The following NXPE1 variants were observed in gnomAD, a reference collection of about 807,000 sequenced individuals.
The protein encoded by NXPE1 is neurexophilin and PC-esterase domain family member 1, also known as NXPE family member 1.
Under a neutral mutation model 33.3 loss-of-function variants are expected in NXPE1, and 31 were observed. The ratio of observed to expected loss-of-function variants is 0.93; its 90% CI spans 0.70 to 1.26. The LOEUF (loss-of-function observed/expected upper bound fraction) is 1.26, where lower values mean the gene tolerates loss of function less well. Among genes scored for constraint, NXPE1 ranks in the 50% most tolerant of loss-of-function variants. The pLI is 0.00. For synonymous variants in NXPE1, 229 were observed against 231.4 expected (o/e 0.99, Z 0.09); for missense variants, 661 against 655.6 (o/e 1.01, Z -0.09).
intron 5 of NXPE1, among the ~76,000 whole-genome samples, chr11:114,540,101 G>T (rs968427831): frequency 6.6e-6 from 1 of 152,150 alleles, no homozygotes; most frequent in Non-Finnish European, 1.5e-5. Flanking sequence ...GATTACAGAC[G>T]CCTGCCATCA....
intron 5 of NXPE1, among the ~76,000 whole-genome samples, chr11:114,550,618 A>C (rs1235883854): frequency 6.6e-6 from 1 of 152,188 alleles, no homozygotes; most frequent in Non-Finnish European, 1.5e-5. Flanking sequence ...TACAAGTAAA[A>C]AAATAAGAAA....
chr11:114,533,924 T>A (rs907908967), intron 5 of NXPE1, among the ~76,000 whole-genome samples: 2 of 152,180 alleles, frequency 1.3e-5, no homozygotes, highest in African/African-American at 4.8e-5. Flanking sequence ...GTCTGACAGC[T>A]TTGAAGAGAG....
Position 114,545,884 on chromosome 11 carries a change from T to G in NXPE1, c.99+5219A>C, listed in dbSNP as rs557502550. 7.2e-5 allele frequency among the ~76,000 whole-genome samples: 11 copies of G among 152,140 alleles called. 1 individual carries two copies. Among genetic ancestry groups the G allele is most frequent in the Admixed American group, 7.2e-4 (11 of 15,272 alleles). ...TTGTATTTTTTTAATAGAGATGGAATGTCACCATGTTGGCCAGGATGGTCT... is the reference window on the plus strand; with the variant it reads ...TTGTATTTTTTTAATAGAGATGGAAGGTCACCATGTTGGCCAGGATGGTCT... On this transcript the variant is annotated intron_variant, in intron 5 of 8. Coordinates refer to ENST00000534921, the Ensembl canonical transcript of NXPE1.
intron 5 of NXPE1, among the ~76,000 whole-genome samples, chr11:114,550,530 G>A (rs75904447): frequency 6.6e-6 from 1 of 152,104 alleles, no homozygotes; most frequent in Non-Finnish European, 1.5e-5. Flanking sequence ...TATGGAAAAA[G>A]TTAAATGAGA....
intron 5 of NXPE1, among the ~76,000 whole-genome samples, chr11:114,547,421 T>A (rs1948319929): frequency 1.3e-5 from 2 of 152,126 alleles, no homozygotes; most frequent in Admixed American, 1.3e-4. Flanking sequence ...ACAAGGAAAG[T>A]CTAAAGAGAA....
chr11:114,544,973 T>G (rs1228468862), intron 5 of NXPE1, among the ~76,000 whole-genome samples: 1 of 152,106 alleles, frequency 6.6e-6, no homozygotes, highest in Non-Finnish European at 1.5e-5. Context: ...GACACTCAAT[T>G]TTATTCGTCA....
At chr11:114,519,240 G>A (rs78043708), downstream of NXPE1, among the ~76,000 whole-genome samples, 7 of 152,082 alleles carry the variant, frequency 4.6e-5, no homozygotes, top group East Asian at 9.6e-4. Flanking sequence ...TTGGCAAAAA[G>A]GTTCATTCTG....
At chr11:114,522,297 C>T in exon 9 of NXPE1, 1 of 1,613,968 alleles carries the variant, frequency 6.2e-7, no homozygotes, top group South Asian at 1.1e-5. Flanking sequence ...AAGTGCTGGC[C>T]AAAGGTGATG....
At chr11:114,530,446 C>G in exon 6 of NXPE1, 1 of 1,614,224 alleles carries the variant, frequency 6.2e-7, no homozygotes, top group South Asian at 1.1e-5. Flanking sequence ...GCCGACGCCC[C>G]TTCACTGGGG....
intron 5 of NXPE1, among the ~76,000 whole-genome samples, chr11:114,534,993 G>A (rs1947745375): frequency 6.6e-6 from 1 of 152,148 alleles, no homozygotes; most frequent in Non-Finnish European, 1.5e-5. Context: ...ATTCACCAAA[G>A]TTTAAATGAA....
chr11:114,532,162 G>GATT (rs955507237), intron 5 of NXPE1, among the ~76,000 whole-genome samples: 5 of 152,284 alleles, frequency 3.3e-5, no homozygotes, highest in Admixed American at 2.0e-4. Flanking sequence ...AAACCCTTGT[G>GATT]ATTGGTAACA....
intron 6 of NXPE1, among the ~76,000 whole-genome samples, chr11:114,528,180 A>G (rs1947438698): frequency 6.6e-6 from 1 of 152,216 alleles, no homozygotes; most frequent in Non-Finnish European, 1.5e-5. Context: ...TATCTAATTT[A>G]CAAGTTCTCT....
intron 5 of NXPE1, among the ~76,000 whole-genome samples, chr11:114,531,826 G>A (rs148170164): frequency 1.8e-4 from 27 of 152,178 alleles, no homozygotes; most frequent in African/African-American, 6.0e-4. Flanking sequence ...AACCTCAGAG[G>A]TCACTTATGC....
At chr11:114,554,984 A>G (rs1948614583) in intron 1 of NXPE1, among the ~76,000 whole-genome samples, 1 of 151,844 alleles carries the variant, frequency 6.6e-6, no homozygotes, top group Admixed American at 6.6e-5. Flanking sequence ...AGATAGTTAC[A>G]TGAGACATAA....
chr11:114,551,299 C>T, intron 4 of NXPE1, 84 bp downstream of exon 4: 1 of 1,353,500 alleles, frequency 7.4e-7, no homozygotes, highest in East Asian at 2.6e-5. Flanking sequence ...TAATTTGCCT[C>T]CAACATTTTG....
intron 5 of NXPE1, among the ~76,000 whole-genome samples, chr11:114,538,464 A>G (rs1302062815): frequency 6.6e-6 from 1 of 152,200 alleles, no homozygotes; most frequent in Non-Finnish European, 1.5e-5. Flanking sequence ...CTGCACAGCA[A>G]AAGAAACCAC....
intron 5 of NXPE1, among the ~76,000 whole-genome samples, chr11:114,540,528 G>A (rs1303619494): frequency 1.3e-5 from 2 of 152,144 alleles, no homozygotes; most frequent in Admixed American, 6.6e-5. Context: ...TATGGAATGG[G>A]TGCGTATGGG....
chr11:114,549,445 C>T (rs974316932), intron 5 of NXPE1, among the ~76,000 whole-genome samples: 9 of 151,800 alleles, frequency 5.9e-5, no homozygotes, highest in East Asian at 1.9e-4. Flanking sequence ...CATTTTGTTC[C>T]GTTTTTAATG....
At chr11:114,542,569 G>T (rs1948136575) in intron 5 of NXPE1, among the ~76,000 whole-genome samples, 1 of 152,170 alleles carries the variant, frequency 6.6e-6, no homozygotes, top group South Asian at 2.1e-4. Flanking sequence ...ATTGGTGGGG[G>T]AGTGGGGAGA....
Sources: gnomAD v4.1 joint callset for allele counts (sites outside exome capture counted in the v4.1 genomes callset) on GRCh38, gnomAD v4.1.1 for gene constraint, MANE v1.5 for transcripts, NCBI Gene and HGNC (gene_info 2026-07-23, HGNC 2026-07-21) for gene names.